FIGNL2: variants seen among roughly 807,000 people sequenced by gnomAD.
FIGNL2 encodes the protein fidgetin like 2, also known as fidgetin-like protein 2.
For synonymous variants in FIGNL2, 565 were observed against 484.0 expected (o/e 1.17, Z -2.20); for missense variants, 1,060 against 950.2 (o/e 1.12, Z -1.52).
chr12:51,821,513 T>C lies in FIGNL2; in HGVS notation c.901A>G (p.Asn301Asp). Residue 301 changes from asparagine (N) to aspartate (D), a missense_variant, in exon 2 of 2, where the codon AAC (asparagine) becomes GAC (aspartate). Transcript: ENST00000618634. ...ADGASYPAAD[N>D]GECRGNGFRA... ...AACCCGTTGCCCCGACATTCGCCGT[T>C]GTCCGCGGCGGGGTAGGAGGCTCCG... The C allele has an allele frequency of 1.3e-6, 2 of 1,558,862 alleles. No homozygotes were observed. Among genetic ancestry groups the C allele is most frequent in the Non-Finnish European group, 1.7e-6 (2 of 1,161,636 alleles).
Position 51,822,067 on chromosome 12 carries a change from G to C in FIGNL2, c.347C>G (p.Pro116Arg), listed in dbSNP as rs746950227. The C allele has an allele frequency of 1.9e-6, 3 of 1,610,938 alleles. No individual in the cohort carries two copies. Among genetic ancestry groups the C allele is most frequent in the South Asian group, 2.2e-5 (2 of 90,450 alleles). The change falls in exon 2 of 2, where the codon CCA becomes CGA. Residue 116 changes from proline to arginine, a missense_variant. Physicochemically the swap from Pro to Arg is moderately radical, Grantham distance 103. Transcript: ENST00000618634. ...GCCGCCACCGCCCGATTTGGTTCCT[G>C]GGAGGCCTTCGTGGAGTGAGGCCAA... ...YPLASLHEGL[P>R]GTKSGGGGGS... is the part of the protein sequence containing the mutation.
In FIGNL2 at chr12:51,821,524, G is replaced by A. The variant is rs1294585660; in HGVS notation, c.890C>T (p.Pro297Leu). 1.9e-6 allele frequency: 3 copies of A among 1,566,880 alleles called. No homozygotes were observed. The highest frequency in any genetic ancestry group is 4.8e-5 in the East Asian group (2 of 41,734). Residue 297 changes from proline (P) to leucine (L), a missense_variant, in exon 2 of 2, where the codon CCC becomes CTC. Transcript: ENST00000618634. ...KAPVADGASY[P>L]AADNGECRGN... ...CCGACATTCGCCGTTGTCCGCGGCG[G>A]GGTAGGAGGCTCCGTCAGCCACGGG... is the stretch of plus-strand genomic sequence containing the variant.
At chr12:51,840,922 C>CT (rs1041766281) in intron 1 of FIGNL2, among the ~76,000 whole-genome samples, 1 of 152,202 alleles carries the variant, frequency 6.6e-6, no homozygotes, top group African/African-American at 2.4e-5. Flanking sequence ...AAGGCTTAAG[C>CT]TTTAAAGTCT....
intron 1 of FIGNL2, among the ~76,000 whole-genome samples, chr12:51,831,317 T>C (rs547845170): frequency 6.6e-6 from 1 of 152,306 alleles, no homozygotes; most frequent in East Asian, 1.9e-4. Context: ...CACTGGGGCA[T>C]GGAGGGGACA....
At chr12:51,846,986 C>T (rs1308753370) in intron 1 of FIGNL2, 8 of 982,884 alleles carry the variant, frequency 8.1e-6, no homozygotes, top group African/African-American at 3.5e-5. Context: ...CCCCAGCAAG[C>T]CCCGCCCCTT....
intron 1 of FIGNL2, chr12:51,844,626 CAG>C (rs1361224850): frequency 1.2e-6 from 1 of 861,836 alleles, no homozygotes; most frequent in East Asian, 1.2e-4. Flanking sequence ...AGATGAGATA[CAG>C]AGTGTTTAAC....
chr12:51,837,208 C>T (rs189047262), intron 1 of FIGNL2, among the ~76,000 whole-genome samples: 1 of 152,166 alleles, frequency 6.6e-6, no homozygotes, highest in East Asian at 1.9e-4. Flanking sequence ...CGTGAATAAG[C>T]GATCCATAAA....
At chr12:51,845,443 AC>A in intron 1 of FIGNL2, 1 of 967,144 alleles carries the variant, frequency 1.0e-6, no homozygotes, top group Middle Eastern at 5.3e-4. Flanking sequence ...CCCATACTTG[AC>A]CTCTTGTGGC....
Position 51,821,226 on chromosome 12 carries a change from G to C in FIGNL2, c.1188C>G (p.Gly396=). Residue 396 remains glycine (G), a synonymous_variant, in exon 2 of 2, where the codon GGC becomes GGG. Transcript: ENST00000618634. ...GPPVQWADVA[G]QGALKAALEE... is the part of the protein sequence containing the mutation. ...CCAGCGCCGCCTTGAGCGCGCCCTG[G>C]CCCGCCACATCCGCCCACTGCACCG... 2.0e-6 allele frequency: 3 copies of C among 1,522,576 alleles called. No individual in the cohort carries two copies. Among genetic ancestry groups the C allele is most frequent in the Non-Finnish European group, 2.6e-6 (3 of 1,141,518 alleles). The allele number at this position is 1,522,576 out of a possible 1,614,324, so 94.3% of individuals were successfully genotyped here. A position where few individuals can be genotyped will look rare whatever the true frequency, so the allele number is the denominator to read the frequency against.
intron 1 of FIGNL2, among the ~76,000 whole-genome samples, chr12:51,836,328 C>T (rs889517792): frequency 1.3e-5 from 2 of 152,138 alleles, no homozygotes; most frequent in Admixed American, 1.3e-4. Flanking sequence ...CGCTGCCCTC[C>T]CCCATCAGCT....
At chr12:51,845,405 C>A in intron 1 of FIGNL2, 1 of 945,362 alleles carries the variant, frequency 1.1e-6, no homozygotes, top group Non-Finnish European at 1.3e-6. Context: ...CAGGACCAGC[C>A]CAAGGCTAAG....
chr12:51,838,056 G>A (rs1197099717), intron 1 of FIGNL2: 1 of 152,344 alleles, frequency 6.6e-6, no homozygotes, highest in Non-Finnish European at 1.5e-5. Context: ...TGAGCTGCAT[G>A]GGCCACTAGA....
chr12:51,821,363 G>T lies in FIGNL2; in HGVS notation c.1051C>A (p.Arg351=). The stretch of plus-strand genomic sequence containing the variant: ...AACCCCCCACGAGGAGCCGGGGCCC[G>T]CTCCGGGAACTTTTCAAAGGGCTCC... The part of the protein sequence containing the change: ...QLEPFEKFPE[R]APAPRGGFAV... The change falls in exon 2 of 2, where the codon CGG becomes AGG. Residue 351 remains arginine, a synonymous_variant. Coordinates refer to ENST00000618634, the MANE Select transcript of FIGNL2 (RefSeq NM_001384995.1). 6.7e-7 allele frequency: 1 copy of T among 1,502,242 alleles called. No individual in the cohort carries two copies. The allele number at this position is 1,502,242 out of a possible 1,614,324, so 93.1% of individuals were successfully genotyped here. A position where few individuals can be genotyped will look rare whatever the true frequency, so the allele number is the denominator to read the frequency against.
At chr12:51,822,611 A>G (rs1939248508) in intron 1 of FIGNL2, among the ~76,000 whole-genome samples, 187 bp from the exon 2 acceptor site, 1 of 152,130 alleles carries the variant, frequency 6.6e-6, no homozygotes, top group African/African-American at 2.4e-5. Context: ...ATGTCCCAGG[A>G]TTAAAGTTGT....
Position 51,821,876 on chromosome 12 carries a change from G to A in FIGNL2, c.538C>T (p.Pro180Ser), listed in dbSNP as rs1305048667. 1.3e-5 allele frequency: 17 copies of A among 1,321,240 alleles called. No individual in the cohort carries two copies. The highest frequency in any genetic ancestry group is 4.8e-5 in the South Asian group (2 of 41,822). 81.8% of individuals were successfully genotyped at this position (1,321,240 alleles called of 1,614,324 possible). A position where few individuals can be genotyped will look rare whatever the true frequency, so the allele number is the denominator to read the frequency against. The change falls in exon 2 of 2, where the codon CCC (proline) becomes TCC (serine). Residue 180 changes from proline to serine, a missense_variant. Coordinates refer to ENST00000618634, the MANE Select transcript of FIGNL2 (RefSeq NM_001384995.1). Reference sequence around the variant, plus strand: ...AGGAGCGCGGCCGGGGGCGGCGGGGGCAGCGCGGCGCCCGTCTGCGCGCAG... The same window carrying A: ...AGGAGCGCGGCCGGGGGCGGCGGGGACAGCGCGGCGCCCGTCTGCGCGCAG... ...GYCAQTGAAL[P>S]PPPPAALLQP...
Position 51,821,643 on chromosome 12 carries a change from C to CGGCGCGGCCGTGGGGAA in FIGNL2, c.754_770dup (p.Gly258SerfsTer14). ...TCAGCGACAGCCCGGATTCGGCACC[C>CGGCGCGGCCGTGGGGAA]GGCGCGGCCGTGGGGAAGCCATAGG... On this transcript the variant is annotated frameshift_variant, in exon 2 of 2. Coordinates refer to ENST00000618634, the MANE Select transcript of FIGNL2 (RefSeq NM_001384995.1). LOFTEE classifies it low-confidence loss of function (END_TRUNC). The CGGCGCGGCCGTGGGGAA allele has an allele frequency of 6.8e-7, 1 of 1,475,370 alleles. No individual in the cohort carries two copies. Among genetic ancestry groups the CGGCGCGGCCGTGGGGAA allele is most frequent in the Non-Finnish European group, 8.9e-7 (1 of 1,119,466 alleles). The allele number at this position is 1,475,370 out of a possible 1,614,324, so 91.4% of individuals were successfully genotyped here. A position where few individuals can be genotyped will look rare whatever the true frequency, so the allele number is the denominator to read the frequency against.
At chr12:51,834,087 A>G (rs60748346) in intron 1 of FIGNL2, among the ~76,000 whole-genome samples, 99 of 128,992 alleles carry the variant, frequency 7.7e-4, no homozygotes, top group East Asian at 5.7e-3. Context: ...ATAGACAGAC[A>G]GACGGATGGG....
At chr12:51,834,935 A>T (rs891213698) in intron 1 of FIGNL2, among the ~76,000 whole-genome samples, 19 of 152,232 alleles carry the variant, frequency 1.2e-4, no homozygotes, top group African/African-American at 4.6e-4. Context: ...GAGGAAATGG[A>T]GACTCAAGTG....
At chr12:51,834,018 C>T (rs663735) in intron 1 of FIGNL2, among the ~76,000 whole-genome samples, 30,882 of 99,104 alleles carry the variant, frequency 0.31, 9,377 homozygotes, top group East Asian at 0.46. Flanking sequence ...GACAAATGGA[C>T]GGATGGATGG....
Sources: gnomAD v4.1 joint callset for allele counts (sites outside exome capture counted in the v4.1 genomes callset) on GRCh38, gnomAD v4.1.1 for gene constraint, MANE v1.5 for transcripts, NCBI Gene and HGNC (gene_info 2026-07-23, HGNC 2026-07-21) for gene names.